Variants in CDH9 observed in about 807,000 individuals in gnomAD.
The protein encoded by CDH9 is cadherin-9.
A neutral mutation model predicts 70.9 loss-of-function variants in CDH9; 28 were observed. The ratio of observed to expected loss-of-function variants is 0.40; its 90% CI spans 0.29 to 0.54. The LOEUF (loss-of-function observed/expected upper bound fraction) is 0.54, where lower values mean the gene tolerates loss of function less well. CDH9 is among the 20% of genes least tolerant of loss of function. The pLI, the probability that CDH9 is intolerant of heterozygous loss-of-function variation, is 0.59. For missense variants in CDH9, 874 were observed against 984.4 expected (o/e 0.89, Z 1.50); for synonymous variants, 409 against 343.1 (o/e 1.19, Z -2.12).
chr5:27,004,163 G>C (rs938185736), intron 1 of CDH9, among the ~76,000 whole-genome samples: 29 of 147,662 alleles, frequency 2.0e-4, no homozygotes, highest in Non-Finnish European at 4.0e-4. Context: ...CATTTGAGCA[G>C]AAAGCTGAAG....
At chr5:26,918,761 C>T (rs572108807) in intron 2 of CDH9, among the ~76,000 whole-genome samples, 12 of 152,308 alleles carry the variant, frequency 7.9e-5, no homozygotes, top group African/African-American at 2.4e-4. Context: ...GACTCAGACT[C>T]GATGTGGAAC....
intron 1 of CDH9, among the ~76,000 whole-genome samples, chr5:27,000,946 A>T (rs868747108): frequency 6.6e-6 from 1 of 152,146 alleles, no homozygotes; most frequent in Non-Finnish European, 1.5e-5. Context: ...AGTGGTTTCC[A>T]GTGGTTTGAA....
At chr5:26,930,344 G>T (rs1741420816) in intron 2 of CDH9, among the ~76,000 whole-genome samples, 1 of 151,916 alleles carries the variant, frequency 6.6e-6, no homozygotes, top group Non-Finnish European at 1.5e-5. Flanking sequence ...ATTGTCCCTT[G>T]GTATAGATGG....
intron 1 of CDH9, among the ~76,000 whole-genome samples, 200 bp from the exon 2 acceptor site, chr5:26,988,582 A>T (rs537301850): frequency 6.6e-6 from 1 of 152,144 alleles, no homozygotes; most frequent in South Asian, 2.1e-4. Context: ...ACTCAAGTAG[A>T]CTAAACAGGA....
intron 2 of CDH9, among the ~76,000 whole-genome samples, chr5:26,979,926 G>A (rs930302277): frequency 6.6e-6 from 1 of 151,594 alleles, no homozygotes; most frequent in African/African-American, 2.4e-5. Context: ...TTTTTAAATG[G>A]AGCATTTAAA....
At position 26,903,617 on chromosome 5, in the gene CDH9, T is replaced by C; in HGVS notation, c.999+20A>G. ...AATTATAAAGCACTCAATGAAAAGA[T>C]GAAGACAGTGAAAAGAAACCTGTTT... On this transcript the variant is annotated intron_variant, in intron 6 of 11. Coordinates refer to ENST00000231021, the MANE Select transcript of CDH9 (RefSeq NM_016279.4). 4.0e-6 allele frequency: 6 copies of C among 1,507,742 alleles called. No homozygotes were observed. Among genetic ancestry groups the C allele is most frequent in the Non-Finnish European group, 5.5e-6 (6 of 1,083,118 alleles). The allele number at this position is 1,507,742 out of a possible 1,614,324, so 93.4% of individuals were successfully genotyped here.
chr5:26,892,676 A>G (rs1274432146), intron 7 of CDH9, among the ~76,000 whole-genome samples: 1 of 151,942 alleles, frequency 6.6e-6, no homozygotes, highest in East Asian at 1.9e-4. Context: ...TAAGTAATAG[A>G]CATTTAGGTT....
At chr5:27,029,690 C>T (rs1035193835) in intron 1 of CDH9, among the ~76,000 whole-genome samples, 3 of 151,612 alleles carry the variant, frequency 2.0e-5, no homozygotes, top group Non-Finnish European at 4.4e-5. Flanking sequence ...TAAATTATTA[C>T]CAAAAAAAAT....
At chr5:26,961,822 C>T (rs1742041505) in intron 2 of CDH9, among the ~76,000 whole-genome samples, 1 of 151,920 alleles carries the variant, frequency 6.6e-6, no homozygotes, top group African/African-American at 2.4e-5. Flanking sequence ...TATCCAGAAG[C>T]CCCCTTTTTT....
intron 1 of CDH9, among the ~76,000 whole-genome samples, chr5:26,991,055 A>G (rs906977387): frequency 1.3e-5 from 2 of 152,186 alleles, no homozygotes; most frequent in Non-Finnish European, 2.9e-5. Flanking sequence ...AGATTTTAAC[A>G]TTATATGTTT....
At chr5:26,976,134 C>A (rs2112078780) in intron 2 of CDH9, among the ~76,000 whole-genome samples, 1 of 152,222 alleles carries the variant, frequency 6.6e-6, no homozygotes, top group East Asian at 1.9e-4. Flanking sequence ...GAGTTCAATC[C>A]TCCACCAAGT....
chr5:26,951,673 A>G (rs1428150916), intron 2 of CDH9, among the ~76,000 whole-genome samples: 2 of 152,106 alleles, frequency 1.3e-5, no homozygotes, highest in Non-Finnish European at 2.9e-5. Flanking sequence ...GTTTTTTCCT[A>G]TATATTTTTC....
chr5:26,909,124 C>A (rs2111996021), intron 3 of CDH9, among the ~76,000 whole-genome samples: 1 of 152,090 alleles, frequency 6.6e-6, no homozygotes, highest in African/African-American at 2.4e-5. Flanking sequence ...GCTGGGACTA[C>A]AGGTGCCCGC....
intron 2 of CDH9, among the ~76,000 whole-genome samples, chr5:26,979,282 A>G (rs371186237): frequency 2.0e-5 from 3 of 151,732 alleles, no homozygotes; most frequent in Non-Finnish European, 4.4e-5. Context: ...TAAAATATAC[A>G]CTATTAATTC....
intron 3 of CDH9, among the ~76,000 whole-genome samples, chr5:26,914,632 G>T (rs1035692021): frequency 6.6e-6 from 1 of 151,804 alleles, no homozygotes; most frequent in Admixed American, 6.6e-5. Flanking sequence ...AAAATTCTTG[G>T]TTCTTCCTGC....
At chr5:26,909,108 C>A (rs573464966) in intron 3 of CDH9, among the ~76,000 whole-genome samples, 2 of 151,976 alleles carry the variant, frequency 1.3e-5, no homozygotes, top group African/African-American at 2.4e-5. Context: ...CTCAGCCTCC[C>A]GAGTAGCTGG....
At chr5:26,934,654 A>G (rs1479023532) in intron 2 of CDH9, among the ~76,000 whole-genome samples, 12 of 152,112 alleles carry the variant, frequency 7.9e-5, no homozygotes, top group African/African-American at 2.2e-4. Flanking sequence ...CACAAATTTG[A>G]GAACTTAGAT....
intron 1 of CDH9, among the ~76,000 whole-genome samples, chr5:27,001,852 T>A (rs1208175589): frequency 6.6e-6 from 1 of 150,858 alleles, no homozygotes; most frequent in Non-Finnish European, 1.5e-5. Context: ...ACACTCTCTC[T>A]CTCTCTCTCT....
chr5:26,943,428 G>T (rs969158334), intron 2 of CDH9, among the ~76,000 whole-genome samples: 1 of 151,316 alleles, frequency 6.6e-6, no homozygotes, highest in South Asian at 2.1e-4. Flanking sequence ...CAGGAGAATC[G>T]CTTGAACCTG....
Sources: allele counts gnomAD v4.1 joint callset (sites outside exome capture counted in the v4.1 genomes callset), GRCh38; gene constraint gnomAD v4.1.1; transcripts MANE v1.5; gene names NCBI Gene and HGNC (gene_info 2026-07-23, HGNC 2026-07-21).